The following DCC variants were observed in gnomAD, a reference collection of about 807,000 sequenced individuals.
DCC encodes the protein DCC netrin 1 receptor, also known as netrin receptor DCC.
A neutral mutation model predicts 172.5 loss-of-function variants in DCC; 58 were observed. That is an observed-to-expected ratio of 0.34 (90% CI 0.27 to 0.42). The LOEUF (loss-of-function observed/expected upper bound fraction) is 0.42. Ranked by LOEUF, DCC falls within the 10% of genes least tolerant of loss-of-function variation. The probability of loss-of-function intolerance (pLI) is 1.00; values close to 1 mark genes in which losing one functional copy is unlikely to be tolerated. For missense variants in DCC, 1,740 were observed against 1,791.0 expected (o/e 0.97, Z 0.51); for synonymous variants, 709 against 644.5 (o/e 1.10, Z -1.52).
intron 2 of DCC, among the ~76,000 whole-genome samples, chr18:52,770,274 T>C (rs377542211): frequency 6.6e-6 from 1 of 152,280 alleles, no homozygotes; most frequent in East Asian, 1.9e-4. Flanking sequence ...ACATCAAGTC[T>C]TGGACTATGG....
At chr18:53,031,474 C>A (rs2042024414) in intron 5 of DCC, among the ~76,000 whole-genome samples, 1 of 151,958 alleles carries the variant, frequency 6.6e-6, no homozygotes, top group Admixed American at 6.6e-5. Context: ...AGATGAGGGT[C>A]CAATTCTTTT....
rs187432636 is a variant in DCC, at chr18:52,403,245, A to C, written c.91+62367A>C. ...GAATGATATGTGGTATCTACAAGGT[A>C]GGCCAGATCCTGGTGACATATCTCA... On this transcript the variant is annotated intron_variant, in intron 1 of 28. Transcript: ENST00000442544. Among the ~76,000 whole-genome samples the C allele has an allele frequency of 2.1e-3, 320 of 152,196 alleles. 2 individuals carry two copies. The Middle Eastern group carries it at 0.041, about 19-fold the overall frequency.
At chr18:52,933,247 T>C (rs2040334189) in intron 5 of DCC, among the ~76,000 whole-genome samples, 1 of 152,044 alleles carries the variant, frequency 6.6e-6, no homozygotes, top group Admixed American at 6.6e-5. Flanking sequence ...TTCCGCCAAG[T>C]AGTCTTTGGG....
chr18:52,627,235 A>G (rs1225968166), intron 1 of DCC, among the ~76,000 whole-genome samples: 1 of 152,170 alleles, frequency 6.6e-6, no homozygotes, highest in African/African-American at 2.4e-5. Context: ...TTATTTGACT[A>G]TTGATCATCT....
chr18:53,155,487 C>A (rs2054716133), intron 7 of DCC, among the ~76,000 whole-genome samples: 1 of 152,154 alleles, frequency 6.6e-6, no homozygotes, highest in Non-Finnish European at 1.5e-5. Context: ...TATGAATTCA[C>A]ACACACCCAA....
intron 17 of DCC, among the ~76,000 whole-genome samples, chr18:53,393,229 A>G (rs1502226): frequency 0.67 from 101,490 of 151,940 alleles, 36,881 homozygotes; most frequent in Non-Finnish European, 0.82. Flanking sequence ...CTCTCTCCCC[A>G]TAGCCATGCT....
In DCC at chr18:52,932,621, CA is replaced by C. The variant is rs901254872; in HGVS notation, c.985+7257del. 2.3e-4 allele frequency among the ~76,000 whole-genome samples: 35 copies of C among 152,106 alleles called. 1 individual carries two copies. Among genetic ancestry groups the C allele is most frequent in the Non-Finnish European group, 2.4e-4 (16 of 67,966 alleles). On this transcript the variant is annotated intron_variant, in intron 5 of 28. Coordinates refer to ENST00000442544, the MANE Select transcript of DCC (RefSeq NM_005215.4). ...CCTTTAAAGCAGTTGTGTAGCAACACAAAAAACTTGTAATTGCCCTCTAGGA... is the reference window on the plus strand; with the variant it reads ...CCTTTAAAGCAGTTGTGTAGCAACACAAAAACTTGTAATTGCCCTCTAGGA...
chr18:52,561,494 G>A (rs1450490818), intron 1 of DCC, among the ~76,000 whole-genome samples: 1 of 151,922 alleles, frequency 6.6e-6, no homozygotes, highest in East Asian at 1.9e-4. Context: ...ACATCTGGCA[G>A]TTTTGGAATT....
intron 1 of DCC, among the ~76,000 whole-genome samples, chr18:52,617,983 T>G (rs1204294237): frequency 6.6e-6 from 1 of 152,158 alleles, no homozygotes; most frequent in African/African-American, 2.4e-5. Flanking sequence ...GAAATATAAT[T>G]TTATTACAGT....
At chr18:53,465,814 G>A (rs986105151) in intron 24 of DCC, among the ~76,000 whole-genome samples, 4 of 151,808 alleles carry the variant, frequency 2.6e-5, no homozygotes, top group Non-Finnish European at 4.4e-5. Context: ...GCCCAGGCTG[G>A]AGTGTAGTGG....
intron 1 of DCC, among the ~76,000 whole-genome samples, chr18:52,507,930 G>A (rs917477172): frequency 4.6e-5 from 7 of 151,860 alleles, no homozygotes; most frequent in Admixed American, 3.9e-4. Flanking sequence ...GTGAAACCCC[G>A]TCTCTACTAA....
At chr18:52,960,392 A>T (rs1043967176) in intron 5 of DCC, among the ~76,000 whole-genome samples, 1 of 152,026 alleles carries the variant, frequency 6.6e-6, no homozygotes, top group African/African-American at 2.4e-5. Context: ...TGGGTCTGTC[A>T]CTCATTTCTT....
At chr18:52,656,271 G>A (rs1239331555) in intron 1 of DCC, among the ~76,000 whole-genome samples, 1 of 151,848 alleles carries the variant, frequency 6.6e-6, no homozygotes, top group Admixed American at 6.6e-5. Context: ...CAGTCTTCAT[G>A]AATATGATTC....
At chr18:53,384,781 A>G (rs79849462) in intron 15 of DCC, among the ~76,000 whole-genome samples, 2 of 151,702 alleles carry the variant, frequency 1.3e-5, no homozygotes, top group East Asian at 3.9e-4. Context: ...GTACTTTTCT[A>G]TAGGAATGAT....
chr18:53,067,253 G>C (rs2042584561), intron 7 of DCC, among the ~76,000 whole-genome samples: 1 of 152,108 alleles, frequency 6.6e-6, no homozygotes, highest in Non-Finnish European at 1.5e-5. Context: ...GGGCACAGTG[G>C]CTCATGCCTG....
chr18:52,878,457 T>C (rs2039434174), intron 2 of DCC, among the ~76,000 whole-genome samples: 1 of 152,162 alleles, frequency 6.6e-6, no homozygotes, highest in Non-Finnish European at 1.5e-5. Context: ...ATTGTCCAAA[T>C]CACCACCTAC....
At chr18:53,225,860 G>T (rs2056019109) in intron 12 of DCC, among the ~76,000 whole-genome samples, 1 of 152,102 alleles carries the variant, frequency 6.6e-6, no homozygotes, top group African/African-American at 2.4e-5. Flanking sequence ...GTTTTATTCA[G>T]TTTGATGTTT....
At chr18:53,151,365 C>T (rs561153454) in intron 7 of DCC, among the ~76,000 whole-genome samples, 83 of 152,292 alleles carry the variant, frequency 5.5e-4, no homozygotes, top group African/African-American at 1.9e-3. Flanking sequence ...TACACAGGTA[C>T]ATCTTGAGTC....
At chr18:52,465,162 G>A (rs1321357289) in intron 1 of DCC, among the ~76,000 whole-genome samples, 3 of 152,066 alleles carry the variant, frequency 2.0e-5, no homozygotes, top group South Asian at 4.1e-4. Context: ...GCTCTTCTAA[G>A]CTTTTAATAA....
Sources: allele counts gnomAD v4.1 joint callset (sites outside exome capture counted in the v4.1 genomes callset), GRCh38; gene constraint gnomAD v4.1.1; transcripts MANE v1.5; gene names NCBI Gene and HGNC (gene_info 2026-07-23, HGNC 2026-07-21).